USP40: variants seen among roughly 807,000 people sequenced by gnomAD.
USP40 encodes ubiquitin carboxyl-terminal hydrolase 40.
Under a neutral mutation model 166.2 loss-of-function variants are expected in USP40, and 143 were observed. The ratio of observed to expected loss-of-function variants is 0.86; its 90% CI spans 0.75 to 0.99. USP40 has a LOEUF of 0.99. Ranked by LOEUF, USP40 falls within the 50% of genes least tolerant of loss-of-function variation. USP40 has a pLI of 0.00. For missense variants in USP40, 1,444 were observed against 1,479.7 expected, an observed-to-expected ratio of 0.98 and a Z score of 0.40; for synonymous variants, 498 against 524.0, an observed-to-expected ratio of 0.95 and a Z score of 0.68.
intron 18 of USP40, among the ~76,000 whole-genome samples, chr2:233,515,184 G>C (rs2067101618): frequency 1.3e-5 from 2 of 152,190 alleles, no homozygotes; most frequent in Admixed American, 1.3e-4. Context: ...ATTGCTTCCA[G>C]TTTGGGGTTA....
intron 24 of USP40, 98 bp downstream of exon 24, chr2:233,496,660 T>C (rs2065766428): frequency 3.2e-6 from 3 of 930,520 alleles, no homozygotes; most frequent in South Asian, 1.7e-5. Flanking sequence ...TTTATGACTG[T>C]CTGAATTTCC....
At chr2:233,561,118 C>G (rs2125400708) in intron 3 of USP40, 1 of 1,548,180 alleles carries the variant, frequency 6.5e-7, no homozygotes, top group East Asian at 2.4e-5. Context: ...AAAAAATTTT[C>G]TGAATACGCT....
At chr2:233,528,718 T>C (rs1163341020) in intron 12 of USP40, among the ~76,000 whole-genome samples, 1 of 151,996 alleles carries the variant, frequency 6.6e-6, no homozygotes, top group Non-Finnish European at 1.5e-5. Context: ...TGTACTTTTT[T>C]CCCCCAGCTC....
At chr2:233,519,536 G>T (rs1298401331) in intron 18 of USP40, 78 bp downstream of exon 18, 3 of 922,382 alleles carry the variant, frequency 3.3e-6, no homozygotes, top group Admixed American at 5.1e-5. Context: ...ACTGTTTTTT[G>T]TATTCTCCTA....
At chr2:233,494,479 A>G (rs1230874664) in intron 24 of USP40, among the ~76,000 whole-genome samples, 1 of 152,172 alleles carries the variant, frequency 6.6e-6, no homozygotes, top group African/African-American at 2.4e-5. Context: ...ATTCTGATAT[A>G]CTAGTGCATG....
intron 30 of USP40, among the ~76,000 whole-genome samples, chr2:233,483,242 C>T (rs905215499): frequency 2.0e-5 from 3 of 152,166 alleles, no homozygotes; most frequent in Non-Finnish European, 4.4e-5. Context: ...GTAATCCCAG[C>T]TCTTTGGGAG....
chr2:233,494,915 C>CATTTATATAT (rs1265219527), intron 24 of USP40, among the ~76,000 whole-genome samples: 224 of 11,190 alleles, frequency 0.02, 23 homozygotes, highest in East Asian at 0.032. Context: ...AGCAAAATGG[C>CATTTATATAT]ATATATATAT....
rs143084858 is a variant in USP40 at position 233,486,212 on chromosome 2, C to G, written c.3198-235G>C. Among the ~76,000 whole-genome samples the G allele has an allele frequency of 1.0e-3, 153 of 152,272 alleles. No individual in the cohort carries two copies. Among genetic ancestry groups the G allele is most frequent in the Non-Finnish European group, 1.6e-3 (110 of 68,032 alleles). ...TTCTCGGTACACAGCAGAGCCCCCC[C>G]AGACGTGGTAGGGAACTTCCTCAGT... On this transcript the variant is annotated intron_variant, in intron 28 of 31. Coordinates refer to ENST00000678225, the MANE Select transcript of USP40 (RefSeq NM_001365479.2). This position sits in a 1 kb window ranked among gnomAD's most constrained non-coding sequence, Gnocchi z 4.0.
intron 11 of USP40, among the ~76,000 whole-genome samples, chr2:233,532,244 T>G (rs892324551): frequency 5.3e-5 from 8 of 152,296 alleles, no homozygotes; most frequent in African/African-American, 1.4e-4. Context: ...CTGCAGCCAA[T>G]CAGACTGATT....
Position 233,485,949 on chromosome 2 carries a change from C to G in USP40, c.3226G>C (p.Val1076Leu), listed in dbSNP as rs762888394. 2 of 1,590,196 alleles carry G rather than the reference C, an allele frequency of 1.3e-6. No individual in the cohort carries two copies. The highest frequency in any genetic ancestry group is 3.6e-5 in the Admixed American group (2 of 55,744). Reference protein sequence around the residue: ...GPQDVLLRTQVRIPGERTYAP... With the variant: ...GPQDVLLRTQLRIPGERTYAP... ...TAGGTCCTCTCACCAGGGATGCGCACCTGTGTCCTCAGCAGCACGTCCTGG... is the reference window on the plus strand; with the variant it reads ...TAGGTCCTCTCACCAGGGATGCGCAGCTGTGTCCTCAGCAGCACGTCCTGG... Residue 1076 changes from valine (V) to leucine (L), a missense_variant, in exon 29 of 32, where the codon GTG becomes CTG. Transcript: ENST00000678225.
At position 233,533,551 on chromosome 2, in the gene USP40, G is replaced by A; in HGVS notation, c.1399C>T (p.Gln467Ter). The A allele has an allele frequency of 6.2e-7, 1 of 1,613,788 alleles. No individual in the cohort carries two copies. The highest frequency in any genetic ancestry group is 8.5e-7 in the Non-Finnish European group (1 of 1,179,784). ...VQPIREKDIEQQFQGKESAYM... is the reference protein window; with the variant it reads ...VQPIREKDIE Reference sequence around the variant, plus strand: ...GCACTTTCTTTACCCTGAAATTGCTGTTCAATATCCTTTTCCCTGATTGGC... The same window carrying A: ...GCACTTTCTTTACCCTGAAATTGCTATTCAATATCCTTTTCCCTGATTGGC... Residue 467 changes from glutamine (Q) to a stop codon, truncating the protein, a stop_gained, in exon 11 of 32, where the codon CAG (glutamine) becomes TAG (stop). Transcript: ENST00000678225. LOFTEE classifies it high-confidence loss of function.
At chr2:233,536,889 C>CT (rs146392969) in intron 10 of USP40, among the ~76,000 whole-genome samples, 2,020 of 151,758 alleles carry the variant, frequency 0.013, 40 homozygotes, top group African/African-American at 0.045. Context: ...TTTTTGTTTC[C>CT]TTTTTTTTCT....
chr2:233,487,196 T>TAA (rs1443217678), intron 28 of USP40, among the ~76,000 whole-genome samples: 2 of 152,192 alleles, frequency 1.3e-5, no homozygotes, highest in African/African-American at 4.8e-5. Context: ...ATACACGAAA[T>TAA]AACTCAATCA....
Position 233,564,842 on chromosome 2 carries a change from C to A in USP40, c.199+514G>T, listed in dbSNP as rs2071993899. Among the ~76,000 whole-genome samples the A allele has an allele frequency of 2.6e-5, 4 of 152,066 alleles. No homozygotes were observed. The South Asian group carries it at 6.2e-4, about 24-fold the overall frequency. ...CTAAAAACTGTAAATAGCCTCACAC[C>A]AGGTCTGGTTCTGAAGCCAAACAAG... On this transcript the variant is annotated intron_variant, in intron 2 of 31. Coordinates refer to ENST00000678225, the MANE Select transcript of USP40 (RefSeq NM_001365479.2).
At chr2:233,531,947 C>T (rs1242944992) in intron 11 of USP40, among the ~76,000 whole-genome samples, 4 of 152,136 alleles carry the variant, frequency 2.6e-5, no homozygotes, top group Non-Finnish European at 5.9e-5. Context: ...TGTTTCACAC[C>T]GACTTCCTAG....
At chr2:233,557,846 C>T (rs982086394) in intron 4 of USP40, among the ~76,000 whole-genome samples, 2 of 151,910 alleles carry the variant, frequency 1.3e-5, no homozygotes, top group African/African-American at 4.8e-5. Flanking sequence ...TAAGGGAAGA[C>T]AATTTCAAAA....
intron 18 of USP40, among the ~76,000 whole-genome samples, chr2:233,517,784 GTGTGT>G (rs2067336648): frequency 1.6e-4 from 4 of 25,700 alleles, no homozygotes; most frequent in African/African-American, 4.1e-4. Context: ...AAACTGTGGT[GTGTGT>G]GTGTGTGTGT....
intron 8 of USP40, chr2:233,546,702 C>T (rs368516524): frequency 3.3e-5 from 5 of 152,284 alleles, no homozygotes; most frequent in East Asian, 1.9e-4. Context: ...CAGACATGGA[C>T]AAGCTTCGAT....
At chr2:233,508,219 C>A (rs2066562923) in intron 21 of USP40, among the ~76,000 whole-genome samples, 1 of 152,058 alleles carries the variant, frequency 6.6e-6, no homozygotes, top group African/African-American at 2.4e-5. Context: ...TTCTTAATAC[C>A]AGCAAATATC....
Sources: gnomAD v4.1 joint callset for allele counts (sites outside exome capture counted in the v4.1 genomes callset) on GRCh38, gnomAD v4.1.1 for gene constraint, Gnocchi (gnomAD v3.1) non-coding constraint, MANE v1.5 for transcripts, NCBI Gene and HGNC (gene_info 2026-07-23, HGNC 2026-07-21) for gene names.